PDZRN4: variants seen among roughly 807,000 people sequenced by gnomAD.
The protein encoded by PDZRN4 is PDZ domain-containing RING finger protein 4.
A neutral mutation model predicts 99.0 loss-of-function variants in PDZRN4; 70 were observed. The observed-to-expected ratio is 0.71, with a 90% confidence interval of 0.58 to 0.86. PDZRN4 has a LOEUF of 0.86. Ranked by LOEUF, PDZRN4 falls within the 40% of genes least tolerant of loss-of-function variation. The pLI is 0.00. For synonymous variants in PDZRN4, 551 were observed against 501.6 expected, an observed-to-expected ratio of 1.10 and a Z score of -1.32; for missense variants, 1,474 against 1,331.2, an observed-to-expected ratio of 1.11 and a Z score of -1.67.
chr12:41,227,278 AC>A (rs900321810), intron 3 of PDZRN4, among the ~76,000 whole-genome samples: 2 of 152,158 alleles, frequency 1.3e-5, no homozygotes, highest in African/African-American at 4.8e-5. Flanking sequence ...AAATCAAAGA[AC>A]TAAAATCCCC....
At chr12:41,383,269 C>T (rs1397388411) in intron 3 of PDZRN4, among the ~76,000 whole-genome samples, 4 of 152,172 alleles carry the variant, frequency 2.6e-5, no homozygotes, top group Admixed American at 6.5e-5. Context: ...AAATTTGCCT[C>T]CCTTCTGCCA....
chr12:41,466,792 TTTG>T, intron 3 of PDZRN4, among the ~76,000 whole-genome samples: 1 of 151,318 alleles, frequency 6.6e-6, no homozygotes. Flanking sequence ...TTTCTTTTGC[TTTG>T]TTTCCAGATG....
intron 3 of PDZRN4, among the ~76,000 whole-genome samples, chr12:41,323,670 AG>A (rs1951693715): frequency 6.6e-6 from 1 of 151,996 alleles, no homozygotes; most frequent in Non-Finnish European, 1.5e-5. Context: ...TTATCCAAAA[AG>A]TATGTCACTA....
chr12:41,205,832 T>G (rs1021515654), intron 3 of PDZRN4, among the ~76,000 whole-genome samples: 1 of 151,952 alleles, frequency 6.6e-6, no homozygotes, highest in Admixed American at 6.6e-5. Flanking sequence ...AGCACCCAGA[T>G]CAAGAAACAG....
intron 3 of PDZRN4, among the ~76,000 whole-genome samples, chr12:41,344,837 T>C (rs1951842011): frequency 7.2e-6 from 1 of 139,276 alleles, no homozygotes; most frequent in Admixed American, 7.0e-5. Flanking sequence ...AAAATAAAAT[T>C]AGTTAGCATA....
chr12:41,386,338 A>G (rs1040913434), intron 3 of PDZRN4, among the ~76,000 whole-genome samples: 1 of 152,210 alleles, frequency 6.6e-6, no homozygotes, highest in African/African-American at 2.4e-5. Context: ...AGAAAGAAAT[A>G]AATTGCATTC....
chr12:41,403,158 C>T (rs902340878), intron 3 of PDZRN4, among the ~76,000 whole-genome samples: 2 of 152,074 alleles, frequency 1.3e-5, no homozygotes, highest in African/African-American at 2.4e-5. Flanking sequence ...TACCATCCAG[C>T]GATGTGATGA....
At chr12:41,192,028 C>T (rs1017919182) in intron 2 of PDZRN4, among the ~76,000 whole-genome samples, 2 of 152,104 alleles carry the variant, frequency 1.3e-5, no homozygotes, top group Non-Finnish European at 2.9e-5. Flanking sequence ...AGTGATCCAC[C>T]TCACGGTCTC....
At chr12:41,328,055 C>T (rs572040525) in intron 3 of PDZRN4, among the ~76,000 whole-genome samples, 30 of 152,004 alleles carry the variant, frequency 2.0e-4, no homozygotes, top group South Asian at 1.0e-3. Flanking sequence ...GGAATTCAAA[C>T]GGTATTTAAT....
At chr12:41,296,796 C>A (rs1311857413) in intron 3 of PDZRN4, among the ~76,000 whole-genome samples, 1 of 151,812 alleles carries the variant, frequency 6.6e-6, no homozygotes, top group Non-Finnish European at 1.5e-5. Context: ...CTTATCTCTA[C>A]AAAAAATACA....
chr12:41,251,974 G>A (rs1225431691), intron 3 of PDZRN4, among the ~76,000 whole-genome samples: 2 of 152,022 alleles, frequency 1.3e-5, no homozygotes, highest in Admixed American at 1.3e-4. Flanking sequence ...AAATTAGGTG[G>A]GCATGGTAGT....
chr12:41,521,567 A>C (rs1304860282), intron 5 of PDZRN4, among the ~76,000 whole-genome samples: 1 of 152,148 alleles, frequency 6.6e-6, no homozygotes, highest in Non-Finnish European at 1.5e-5. Context: ...GAGAACTTTG[A>C]CATGGTGCAT....
chr12:41,358,419 C>T (rs919327424), intron 3 of PDZRN4, among the ~76,000 whole-genome samples: 2 of 151,908 alleles, frequency 1.3e-5, no homozygotes, highest in African/African-American at 4.8e-5. Flanking sequence ...ATTATTCTGC[C>T]TTTTCCTGAA....
At chr12:41,424,477 A>G (rs1173739350) in intron 3 of PDZRN4, among the ~76,000 whole-genome samples, 1 of 152,206 alleles carries the variant, frequency 6.6e-6, no homozygotes, top group Non-Finnish European at 1.5e-5. Flanking sequence ...CAATCATGCT[A>G]GATAACGTTG....
intron 9 of PDZRN4, among the ~76,000 whole-genome samples, chr12:41,571,147 A>ATC (rs1025969579): frequency 9.9e-5 from 15 of 151,254 alleles, no homozygotes; most frequent in African/African-American, 3.6e-4. Context: ...CTATCTATCT[A>ATC]TATATATATA....
At chr12:41,442,979 C>T (rs1216799538) in intron 3 of PDZRN4, among the ~76,000 whole-genome samples, 2 of 152,110 alleles carry the variant, frequency 1.3e-5, no homozygotes, top group Non-Finnish European at 2.9e-5. Flanking sequence ...TCCTTAAAAT[C>T]AGAATAACAA....
chr12:41,557,698 C>T (rs777923559), intron 7 of PDZRN4, among the ~76,000 whole-genome samples: 2 of 151,290 alleles, frequency 1.3e-5, no homozygotes, highest in South Asian at 2.1e-4. Context: ...TTTTTTTAAC[C>T]GTGGACCTTC....
At chr12:41,539,471 AATT>A (rs1938810367) in intron 5 of PDZRN4, among the ~76,000 whole-genome samples, 2 of 152,224 alleles carry the variant, frequency 1.3e-5, no homozygotes, top group African/African-American at 2.4e-5. Context: ...ATTTGGGAAC[AATT>A]ATTATTACAT....
intron 3 of PDZRN4, among the ~76,000 whole-genome samples, chr12:41,300,451 A>T (rs1262620326): frequency 6.6e-6 from 1 of 152,026 alleles, no homozygotes; most frequent in Non-Finnish European, 1.5e-5. Flanking sequence ...ATATATATGT[A>T]TAACATTTTT....
Sources: allele counts gnomAD v4.1 joint callset (sites outside exome capture counted in the v4.1 genomes callset), GRCh38; gene constraint gnomAD v4.1.1; transcripts MANE v1.5; gene names NCBI Gene and HGNC (gene_info 2026-07-23, HGNC 2026-07-21).